The following SLC35A3 variants were observed in gnomAD, a reference collection of about 807,000 sequenced individuals.
The protein encoded by SLC35A3 is solute carrier family 35 member A3.
SLC35A3 carries 26 observed loss-of-function variants against 39.0 expected under a neutral mutation model. The observed-to-expected ratio is 0.67, with a 90% CI of 0.49 to 0.92. The LOEUF (loss-of-function observed/expected upper bound fraction) is 0.92, where lower values mean the gene tolerates loss of function less well. SLC35A3 is among the 40% of genes least tolerant of loss of function. SLC35A3 has a pLI of 0.00. For missense variants in SLC35A3, 299 were observed against 371.6 expected, an observed-to-expected ratio of 0.80 and a Z score of 1.61; for synonymous variants, 135 against 133.1, an observed-to-expected ratio of 1.01 and a Z score of -0.10.
intron 1 of SLC35A3, among the ~76,000 whole-genome samples, chr1:99,974,796 T>C (rs543263757): frequency 6.6e-6 from 1 of 152,312 alleles, no homozygotes; most frequent in South Asian, 2.1e-4. Context: ...TTAAATGAGA[T>C]CTAAATGAGA....
At chr1:99,986,784 C>T (rs1437466086) in intron 1 of SLC35A3, among the ~76,000 whole-genome samples, 2 of 152,094 alleles carry the variant, frequency 1.3e-5, no homozygotes, top group African/African-American at 2.4e-5. Flanking sequence ...GACAAGTTTT[C>T]ACCATTTTGA....
chr1:100,014,001 C>A (rs1308445565), intron 5 of SLC35A3, among the ~76,000 whole-genome samples: 1 of 152,112 alleles, frequency 6.6e-6, no homozygotes, highest in Admixed American at 6.6e-5. Context: ...AATAGCCTCG[C>A]AATGCTTCTG....
At chr1:99,971,278 C>G (rs562626660) in intron 1 of SLC35A3, among the ~76,000 whole-genome samples, 57 of 151,610 alleles carry the variant, frequency 3.8e-4, no homozygotes, top group African/African-American at 1.3e-3. Context: ...GAATTTGAGT[C>G]TGACGGTGGC....
chr1:100,019,544 ATC>A (rs1660388335), intron 7 of SLC35A3, among the ~76,000 whole-genome samples: 1 of 152,212 alleles, frequency 6.6e-6, no homozygotes, highest in Non-Finnish European at 1.5e-5. Context: ...TCAGTAATAA[ATC>A]TAGTGACATT....
chr1:99,979,397 C>A (rs1338364933), intron 1 of SLC35A3, among the ~76,000 whole-genome samples: 1 of 149,560 alleles, frequency 6.7e-6, no homozygotes, highest in African/African-American at 2.5e-5. Flanking sequence ...ATATTGCATT[C>A]TTCTCTTGTG....
intron 1 of SLC35A3, among the ~76,000 whole-genome samples, chr1:99,982,642 A>G (rs1349697659): frequency 6.6e-6 from 1 of 152,158 alleles, no homozygotes; most frequent in East Asian, 1.9e-4. Context: ...TTTTTCTCTT[A>G]AGAATATTAA....
chr1:100,019,381 TTGAA>T (rs71719100), intron 7 of SLC35A3, among the ~76,000 whole-genome samples: 13,868 of 149,216 alleles, frequency 0.093, 1,028 homozygotes, highest in African/African-American at 0.21. Flanking sequence ...ACTGCCATTA[TTGAA>T]TGAATGAATG....
chr1:99,988,387 T>A (rs1368324475), intron 1 of SLC35A3, among the ~76,000 whole-genome samples: 4 of 152,220 alleles, frequency 2.6e-5, no homozygotes, highest in African/African-American at 9.7e-5. Flanking sequence ...AGCTGAGCAT[T>A]ATTCCATTGT....
At position 99,999,008 on chromosome 1, in the gene SLC35A3, T is replaced by C. The variant is rs551674440; in HGVS notation, c.188-253T>C. Among the ~76,000 whole-genome samples, 6 of 152,304 alleles carry C rather than the reference T, an allele frequency of 3.9e-5. No homozygotes were observed. The South Asian group carries it at 1.2e-3, about 32-fold the overall frequency. The stretch of plus-strand genomic sequence containing the variant: ...AAATATGTGTTTGTATGTGTTTGTA[T>C]ATATACATATATGTAGATATACATA... On this transcript the variant is annotated intron_variant, in intron 2 of 7. Transcript: ENST00000533028.
chr1:100,028,869 T>C lies in SLC35A3; in HGVS notation c.*6393T>C. 6.6e-6 allele frequency: 1 copy of C among 152,236 alleles called. No homozygotes were observed. The highest frequency in any genetic ancestry group is 1.9e-4 in the East Asian group (1 of 5,202). 9.4% of individuals were successfully genotyped at this position (152,236 alleles called of 1,614,324 possible). A position where few individuals can be genotyped will look rare whatever the true frequency, so the allele number is the denominator to read the frequency against. ...AAAAGCTATTATACTCACAGTCATA[T>C]TTATTACAGAGAAAGGAAATACAAA... On this transcript the variant is annotated 3_prime_UTR_variant, in exon 8 of 8. Transcript: ENST00000533028.
chr1:99,998,047 G>A (rs1008576471), intron 2 of SLC35A3, among the ~76,000 whole-genome samples: 1 of 151,974 alleles, frequency 6.6e-6, no homozygotes, highest in Non-Finnish European at 1.5e-5. Context: ...TCTCAATGTC[G>A]CAGTCAGGGT....
intron 6 of SLC35A3, among the ~76,000 whole-genome samples, chr1:100,017,237 A>T (rs941529040): frequency 1.3e-5 from 2 of 152,188 alleles, no homozygotes; most frequent in Non-Finnish European, 2.9e-5. Context: ...TGAGAGGTGG[A>T]TTTGAAAGGG....
rs1321383762 is a variant in SLC35A3, at chr1:100,007,173, A to C, written c.465+17A>C. 2 of 1,578,070 alleles carry C rather than the reference A, an allele frequency of 1.3e-6. No individual in the cohort carries two copies. Among genetic ancestry groups the C allele is most frequent in the East Asian group, 4.5e-5 (2 of 44,494 alleles). On this transcript the variant is annotated intron_variant, in intron 4 of 7. Transcript: ENST00000533028. ...TTTGTACAGGTAACTATTCAAGATA[A>C]GTATATATTTTTATCTTTATTGTGG...
rs1157464372 is a variant in SLC35A3 at position 99,999,402 on chromosome 1, C to G, written c.329C>G (p.Ala110Gly). 4 of 1,582,650 alleles carry G rather than the reference C, an allele frequency of 2.5e-6. No homozygotes were observed. Among genetic ancestry groups the G allele is most frequent in the Admixed American group, 3.9e-5 (2 of 51,338 alleles). The part of the protein sequence containing the change: ...LLYVALSNLD[A>G]ATYQVTYQLK... ...TATGTGGCACTATCAAATCTAGATG[C>G]AGCTACTTATCAGGTACTTAAAATA... The change falls in exon 3 of 8, where the codon GCA becomes GGA. Residue 110 changes from alanine (A) to glycine (G), a missense_variant. Ala to Gly is a moderately conservative substitution (Grantham distance 60). Transcript: ENST00000533028.
Position 99,997,410 on chromosome 1 carries a change from T to TTTTATA in SLC35A3, c.188-1850_188-1849insTTATAT, listed in dbSNP as rs1658470104. 6.5e-5 allele frequency among the ~76,000 whole-genome samples: 6 copies of TTTTATA among 92,104 alleles called. 1 individual carries two copies. In the South Asian group the frequency reaches 1.5e-3, roughly 23 times the overall value. 60.4% of individuals were successfully genotyped at this position (92,104 alleles called of 152,430 possible). A position where few individuals can be genotyped will look rare whatever the true frequency, so the allele number is the denominator to read the frequency against. ...ACAGTTATATGTTTTATATATAGTT[T>TTTTATA]TATATATATATATATATATATATAT... On this transcript the variant is annotated intron_variant, in intron 2 of 7. Transcript: ENST00000533028.
rs1200615303 is a variant in SLC35A3, at chr1:100,031,377, G to A, written c.*8901G>A. The A allele has an allele frequency of 2.0e-5, 3 of 152,110 alleles. No homozygotes were observed. Among genetic ancestry groups the A allele is most frequent in the African/African-American group, 7.2e-5 (3 of 41,422 alleles). 9.4% of individuals were successfully genotyped at this position (152,110 alleles called of 1,614,324 possible). A position where few individuals can be genotyped will look rare whatever the true frequency, so the allele number is the denominator to read the frequency against. On this transcript the variant is annotated 3_prime_UTR_variant, in exon 8 of 8. Transcript: ENST00000533028. The stretch of plus-strand genomic sequence containing the variant: ...TTTACCCCTACATACTCCAGCATGC[G>A]TGACCTAAAGATATGGACATCTTCT...
rs1661377399 is a variant in SLC35A3 at position 100,033,975 on chromosome 1, A to G, written c.*11499A>G. 1 of 152,170 alleles carries G rather than the reference A, an allele frequency of 6.6e-6. No individual in the cohort carries two copies. Among genetic ancestry groups the G allele is most frequent in the African/African-American group, 2.4e-5 (1 of 41,442 alleles). The allele number at this position is 152,170 out of a possible 1,614,324, so 9.4% of individuals were successfully genotyped here. A position where few individuals can be genotyped will look rare whatever the true frequency, so the allele number is the denominator to read the frequency against. ...TATTCTCTGAGTTGTGACATGTTTAAAATTTCTTCTGGAGCCTAGATACTT... is the reference window on the plus strand; with the variant it reads ...TATTCTCTGAGTTGTGACATGTTTAGAATTTCTTCTGGAGCCTAGATACTT... On this transcript the variant is annotated 3_prime_UTR_variant, in exon 8 of 8. Transcript: ENST00000533028.
chr1:99,995,152 CT>C (rs763469884), intron 2 of SLC35A3, among the ~76,000 whole-genome samples: 2 of 102,126 alleles, frequency 2.0e-5, no homozygotes, highest in Non-Finnish European at 4.3e-5. Context: ...TTCTTTCTTT[CT>C]TTCTTTCTTT....
intron 7 of SLC35A3, among the ~76,000 whole-genome samples, chr1:100,021,458 A>G (rs937378454): frequency 6.6e-6 from 1 of 152,144 alleles, no homozygotes; most frequent in East Asian, 1.9e-4. Context: ...AGATCACTTG[A>G]GCCCAGGAGT....
Sources: allele counts gnomAD v4.1 joint callset (sites outside exome capture counted in the v4.1 genomes callset), GRCh38; gene constraint gnomAD v4.1.1; transcripts MANE v1.5; gene names NCBI Gene and HGNC (gene_info 2026-07-23, HGNC 2026-07-21).